Variants in LURAP1L observed in about 807,000 individuals in gnomAD.
LURAP1L encodes the protein leucine rich adaptor protein 1 like.
In LURAP1L, 12 loss-of-function variants were observed where a neutral mutation model predicts 13.8. That is an observed-to-expected ratio of 0.87 (90% confidence interval 0.56 to 1.41). The LOEUF is 1.41. Among genes scored for constraint, LURAP1L ranks in the 40% most tolerant of loss-of-function variants. LURAP1L has a pLI of 0.00. For missense variants in LURAP1L, 375 were observed against 292.9 expected (o/e 1.28, Z -2.04); for synonymous variants, 139 against 119.2 (o/e 1.17, Z -1.08).
At chr9:12,813,533 G>C (rs1353691941) in intron 1 of LURAP1L, among the ~76,000 whole-genome samples, 1 of 152,068 alleles carries the variant, frequency 6.6e-6, no homozygotes, top group Non-Finnish European at 1.5e-5. Flanking sequence ...ACACTATAAA[G>C]CAGAACTTGA....
At chr9:12,794,255 T>C (rs1180051300) in intron 1 of LURAP1L, among the ~76,000 whole-genome samples, 11 of 152,136 alleles carry the variant, frequency 7.2e-5, no homozygotes, top group Admixed American at 7.2e-4. Context: ...ACATCATTAC[T>C]GAGAATGCTC....
intron 1 of LURAP1L, among the ~76,000 whole-genome samples, chr9:12,788,140 AAG>A (rs1819384613): frequency 7.0e-6 from 1 of 142,568 alleles, no homozygotes; most frequent in South Asian, 2.3e-4. Context: ...GAAGGAAAGA[AAG>A]AGAAAGAAGA....
At chr9:12,788,195 A>AAAGAAAGAAAGAAAGAAAG (rs1491096715) in intron 1 of LURAP1L, among the ~76,000 whole-genome samples, 1 of 96,156 alleles carries the variant, frequency 1.0e-5, no homozygotes, top group Non-Finnish European at 2.2e-5. Flanking sequence ...AAGAAAGAAA[A>AAAGAAAGAAAGAAAGAAAG]GAAAAGAAAA....
chr9:12,786,547 C>CATAT (rs67654649), intron 1 of LURAP1L, among the ~76,000 whole-genome samples: 5,332 of 52,890 alleles, frequency 0.1, 411 homozygotes, highest in Non-Finnish European at 0.13. Context: ...ATATATATGA[C>CATAT]ATATATATAT....
chr9:12,776,384 G>C lies in LURAP1L; in HGVS notation c.312+357G>C, dbSNP rs74895460. ...TTTGCAGTTATTGCACCCATCTAAG[G>C]CCTGCTGTGCGCTGTTAACACTTCG... On this transcript the variant is annotated intron_variant, in intron 1 of 1. Coordinates refer to ENST00000319264, the MANE Select transcript of LURAP1L (RefSeq NM_203403.2). Among the ~76,000 whole-genome samples the C allele has an allele frequency of 3.7e-3, 564 of 152,228 alleles. 1 individual carries two copies. Among genetic ancestry groups the C allele is most frequent in the African/African-American group, 0.013 (525 of 41,536 alleles).
rs760866779 is a variant in LURAP1L at position 12,775,955 on chromosome 9, C to T, written c.240C>T (p.Gly80=). ...SSSSSSSPTS[G]SPRGSHSSAL... is the part of the protein sequence containing the mutation. ...CCTCTTCGTCCTCCCCAACCTCTGG[C>T]TCCCCACGAGGTAGCCACTCTAGCG... is the stretch of plus-strand genomic sequence containing the variant. Residue 80 remains glycine (G), a synonymous_variant, in exon 1 of 2, where the codon GGC becomes GGT. Coordinates refer to ENST00000319264, the MANE Select transcript of LURAP1L (RefSeq NM_203403.2). 4 of 1,592,306 alleles carry T rather than the reference C, an allele frequency of 2.5e-6. No homozygotes were observed. Among genetic ancestry groups the T allele is most frequent in the African/African-American group, 1.3e-5 (1 of 74,412 alleles).
Position 12,799,337 on chromosome 9 carries a change from G to A in LURAP1L, c.313-22049G>A, listed in dbSNP as rs541363880. Among the ~76,000 whole-genome samples the A allele has an allele frequency of 5.3e-5, 8 of 152,138 alleles. No homozygotes were observed. In the South Asian group the frequency reaches 6.2e-4, roughly 12 times the overall value. On this transcript the variant is annotated intron_variant, in intron 1 of 1. Transcript: ENST00000319264. ...GGAAATCATAACTTATGCATTTATC[G>A]ACACAGTTTTCAATGCACATATGTA... is the stretch of plus-strand genomic sequence containing the variant.
intron 1 of LURAP1L, among the ~76,000 whole-genome samples, chr9:12,784,794 T>C (rs1477947027): frequency 6.6e-6 from 1 of 151,944 alleles, no homozygotes; most frequent in Non-Finnish European, 1.5e-5. Flanking sequence ...AGTTCCCTTC[T>C]GGCCCAGGGT....
intron 1 of LURAP1L, among the ~76,000 whole-genome samples, chr9:12,788,699 C>T (rs188164441): frequency 2.0e-5 from 3 of 151,798 alleles, no homozygotes; most frequent in South Asian, 2.1e-4. Flanking sequence ...ACAAAAAGCT[C>T]GAATGAAATA....
At chr9:12,816,798 A>G (rs1819809679) in intron 1 of LURAP1L, among the ~76,000 whole-genome samples, 1 of 152,338 alleles carries the variant, frequency 6.6e-6, no homozygotes, top group African/African-American at 2.4e-5. Context: ...AAGCTGAACC[A>G]TATGACATAA....
intron 1 of LURAP1L, among the ~76,000 whole-genome samples, chr9:12,776,331 A>C (rs1359369074): frequency 6.6e-6 from 1 of 152,210 alleles, no homozygotes; most frequent in Admixed American, 6.5e-5. Flanking sequence ...GCCAGCCCGT[A>C]GCCTCTTAGG....
At position 12,775,317 on chromosome 9, in the gene LURAP1L, A is replaced by G. The variant is rs1819151749; in HGVS notation, c.-399A>G. The G allele has an allele frequency of 5.6e-6, 1 of 177,694 alleles. No individual in the cohort carries two copies. The allele number at this position is 177,694 out of a possible 1,614,324, so 11.0% of individuals were successfully genotyped here. On this transcript the variant is annotated 5_prime_UTR_variant, in exon 1 of 2. Coordinates refer to ENST00000319264, the MANE Select transcript of LURAP1L (RefSeq NM_203403.2). The stretch of plus-strand genomic sequence containing the variant: ...CGCAGGGATGTGAACGGACGGTTTT[A>G]TAATGTGAAAATTTTCCCTTGGTAA...
chr9:12,789,220 G>A (rs1189769752), intron 1 of LURAP1L, among the ~76,000 whole-genome samples: 1 of 152,154 alleles, frequency 6.6e-6, no homozygotes, highest in Non-Finnish European at 1.5e-5. Flanking sequence ...CTAGAGATGT[G>A]CTTTTAAGCA....
At chr9:12,814,628 G>A (rs957111150) in intron 1 of LURAP1L, among the ~76,000 whole-genome samples, 5 of 152,124 alleles carry the variant, frequency 3.3e-5, no homozygotes, top group Non-Finnish European at 7.4e-5. Context: ...CAGATCTCAC[G>A]AGCAGGCCTG....
At chr9:12,790,417 T>C (rs1819424380) in intron 1 of LURAP1L, among the ~76,000 whole-genome samples, 1 of 152,184 alleles carries the variant, frequency 6.6e-6, no homozygotes, top group African/African-American at 2.4e-5. Context: ...TTTTTGTGTT[T>C]GGACTACACT....
chr9:12,792,149 A>T (rs563920703), intron 1 of LURAP1L, among the ~76,000 whole-genome samples: 4 of 152,238 alleles, frequency 2.6e-5, no homozygotes, highest in Admixed American at 2.6e-4. Context: ...CCCATATGAA[A>T]ATATAAAATA....
chr9:12,821,563 T>C lies in LURAP1L; in HGVS notation c.490T>C (p.Tyr164His). The stretch of plus-strand genomic sequence containing the variant: ...TCAGAGCACCTCCTTACGTGGCAGC[T>C]ACAACAGCCTACACGATGGCAGTGA... The part of the protein sequence containing the change: ...ESQSTSLRGS[Y>H]NSLHDGSDGL... Residue 164 changes from tyrosine to histidine, a missense_variant, in exon 2 of 2, where the codon TAC becomes CAC. Tyr to His is a moderately conservative substitution (Grantham distance 83). Transcript: ENST00000319264. The C allele has an allele frequency of 1.2e-6, 2 of 1,614,088 alleles. No individual in the cohort carries two copies. Among genetic ancestry groups the C allele is most frequent in the Non-Finnish European group, 1.7e-6 (2 of 1,180,022 alleles).
intron 1 of LURAP1L, among the ~76,000 whole-genome samples, chr9:12,810,087 C>G (rs566662593): frequency 2.0e-5 from 3 of 152,084 alleles, no homozygotes; most frequent in Non-Finnish European, 4.4e-5. Context: ...AATAGATTCC[C>G]TTAGGGACAA....
At chr9:12,802,188 A>G (rs1462696288) in intron 1 of LURAP1L, among the ~76,000 whole-genome samples, 3 of 152,182 alleles carry the variant, frequency 2.0e-5, no homozygotes, top group African/African-American at 4.8e-5. Context: ...CACACTAAAG[A>G]ATAGGCCTGA....
Sources: allele counts gnomAD v4.1 joint callset (sites outside exome capture counted in the v4.1 genomes callset), GRCh38; gene constraint gnomAD v4.1.1; transcripts MANE v1.5; gene names NCBI Gene and HGNC (gene_info 2026-07-23, HGNC 2026-07-21).